The following GPC5 variants were observed in gnomAD, a reference collection of about 807,000 sequenced individuals.
GPC5 encodes glypican 5, also known as glypican-5.
A neutral mutation model predicts 53.9 loss-of-function variants in GPC5; 47 were observed. That is an observed-to-expected ratio of 0.87 (90% CI 0.69 to 1.11). The LOEUF is 1.11. Ranked by LOEUF, GPC5 falls within the 50% of genes most tolerant of loss-of-function variation. The pLI is 0.00. For synonymous variants in GPC5, 286 were observed against 263.3 expected (o/e 1.09, Z -0.84); for missense variants, 748 against 713.1 (o/e 1.05, Z -0.56).
intron 7 of GPC5, among the ~76,000 whole-genome samples, chr13:92,550,433 A>G (rs1167194530): frequency 2.0e-5 from 3 of 151,856 alleles, no homozygotes; most frequent in Non-Finnish European, 4.4e-5. Context: ...TATGGCCTGT[A>G]TGAAGTGAGG....
At chr13:92,658,926 T>TTTG (rs1886232486) in intron 7 of GPC5, 1 of 75,408 alleles carries the variant, frequency 1.3e-5, no homozygotes, top group Non-Finnish European at 3.1e-5. Context: ...TATGTTTTGT[T>TTTG]TTTTTTTTTT....
At chr13:91,649,703 A>T (rs566205786) in intron 2 of GPC5, among the ~76,000 whole-genome samples, 6 of 152,108 alleles carry the variant, frequency 3.9e-5, no homozygotes, top group Middle Eastern at 3.2e-3. Flanking sequence ...TGTTTACCTG[A>T]GTTATAGCAT....
At chr13:92,004,384 G>A (rs1375163603) in intron 6 of GPC5, among the ~76,000 whole-genome samples, 3 of 146,702 alleles carry the variant, frequency 2.0e-5, no homozygotes, top group East Asian at 2.0e-4. Context: ...GGTGGAGGTT[G>A]CAATGAGCTG....
At chr13:92,625,179 G>C (rs1218373900) in intron 7 of GPC5, among the ~76,000 whole-genome samples, 1 of 152,082 alleles carries the variant, frequency 6.6e-6, no homozygotes, top group African/African-American at 2.4e-5. Context: ...GTATTATTTT[G>C]AATACAAGTT....
At chr13:91,806,619 G>T (rs1306420878) in intron 5 of GPC5, among the ~76,000 whole-genome samples, 1 of 152,028 alleles carries the variant, frequency 6.6e-6, no homozygotes, top group Non-Finnish European at 1.5e-5. Flanking sequence ...ACAATTTACA[G>T]GACAGGAAAT....
At chr13:92,751,888 G>A (rs555635643) in intron 7 of GPC5, among the ~76,000 whole-genome samples, 145 of 152,218 alleles carry the variant, frequency 9.5e-4, no homozygotes, top group African/African-American at 3.4e-3. Flanking sequence ...CTAGGTTATT[G>A]CCTCAAGATG....
At chr13:92,671,891 A>G (rs1462223450) in intron 7 of GPC5, among the ~76,000 whole-genome samples, 1 of 152,218 alleles carries the variant, frequency 6.6e-6, no homozygotes, top group South Asian at 2.1e-4. Context: ...AATGGAAGAC[A>G]TTGGAAGCAG....
intron 4 of GPC5, among the ~76,000 whole-genome samples, chr13:91,753,721 C>T (rs114669182): frequency 7.9e-4 from 120 of 152,284 alleles, no homozygotes; most frequent in African/African-American, 2.7e-3. Flanking sequence ...CCCATAAGCA[C>T]AGTCCCCTCT....
At chr13:92,218,466 T>A (rs952115472) in intron 7 of GPC5, among the ~76,000 whole-genome samples, 3 of 152,146 alleles carry the variant, frequency 2.0e-5, no homozygotes, top group African/African-American at 7.2e-5. Flanking sequence ...AAGAAAAAAG[T>A]TTTCCCTTCA....
intron 2 of GPC5, among the ~76,000 whole-genome samples, chr13:91,511,710 G>T (rs1013390285): frequency 6.7e-6 from 1 of 148,714 alleles, no homozygotes; most frequent in African/African-American, 2.5e-5. Flanking sequence ...TTTCCATATG[G>T]TTTTTTTTTC....
intron 6 of GPC5, among the ~76,000 whole-genome samples, chr13:92,056,670 A>G (rs1462440099): frequency 6.6e-6 from 1 of 152,200 alleles, no homozygotes; most frequent in East Asian, 1.9e-4. Flanking sequence ...GTGGTGATCC[A>G]ATGCCATACA....
chr13:91,712,057 G>A (rs954544503), intron 3 of GPC5, among the ~76,000 whole-genome samples: 1 of 152,186 alleles, frequency 6.6e-6, no homozygotes, highest in Non-Finnish European at 1.5e-5. Context: ...GTGCAGCAAT[G>A]TGAAAATAGG....
At chr13:91,854,730 A>G (rs1476462665) in intron 5 of GPC5, among the ~76,000 whole-genome samples, 3 of 151,872 alleles carry the variant, frequency 2.0e-5, no homozygotes, top group Non-Finnish European at 4.4e-5. Context: ...TAATATTTCA[A>G]TGCTTATTTT....
At chr13:92,523,965 C>T (rs1881173653) in intron 7 of GPC5, among the ~76,000 whole-genome samples, 1 of 152,046 alleles carries the variant, frequency 6.6e-6, no homozygotes, top group African/African-American at 2.4e-5. Flanking sequence ...TCATCTGAGC[C>T]TTCAGCGAGT....
chr13:92,796,407 T>A (rs528599665), intron 7 of GPC5, among the ~76,000 whole-genome samples: 1 of 152,028 alleles, frequency 6.6e-6, no homozygotes, highest in Admixed American at 6.6e-5. Flanking sequence ...ATATACCTAA[T>A]GTAAATGATG....
intron 6 of GPC5, among the ~76,000 whole-genome samples, chr13:91,999,808 C>T (rs985555983): frequency 6.6e-6 from 1 of 152,164 alleles, no homozygotes; most frequent in African/African-American, 2.4e-5. Flanking sequence ...GATGTAACTC[C>T]TGCACTATAT....
At chr13:91,951,316 T>G (rs2040023785) in intron 6 of GPC5, among the ~76,000 whole-genome samples, 3 of 152,076 alleles carry the variant, frequency 2.0e-5, no homozygotes, top group African/African-American at 7.2e-5. Flanking sequence ...TTACTAAAAT[T>G]GACAAACATT....
chr13:91,964,461 T>C (rs571727743), intron 6 of GPC5, among the ~76,000 whole-genome samples: 6 of 152,148 alleles, frequency 3.9e-5, no homozygotes, highest in Non-Finnish European at 8.8e-5. Flanking sequence ...AGAGTGCTGA[T>C]TGGTGCATTT....
At chr13:92,232,280 G>A (rs990915180) in intron 7 of GPC5, among the ~76,000 whole-genome samples, 6 of 152,052 alleles carry the variant, frequency 3.9e-5, no homozygotes, top group African/African-American at 1.2e-4. Flanking sequence ...TGCGTGGTGG[G>A]GTGGGGGTGT....
Sources: allele counts gnomAD v4.1 joint callset (sites outside exome capture counted in the v4.1 genomes callset), GRCh38; gene constraint gnomAD v4.1.1; transcripts MANE v1.5; gene names NCBI Gene and HGNC (gene_info 2026-07-23, HGNC 2026-07-21).